The following IMMP2L variants were observed in gnomAD, a reference collection of about 807,000 sequenced individuals.
IMMP2L encodes the protein inner mitochondrial membrane peptidase subunit 2.
Under a neutral mutation model 19.3 loss-of-function variants are expected in IMMP2L, and 18 were observed. The ratio of observed to expected loss-of-function variants is 0.93; its 90% CI spans 0.64 to 1.38. The LOEUF (loss-of-function observed/expected upper bound fraction) is 1.38, where lower values mean the gene tolerates loss of function less well. Among genes scored for constraint, IMMP2L ranks in the 40% most tolerant of loss-of-function variants. The pLI is 0.00. For missense variants in IMMP2L, 233 were observed against 218.2 expected, an observed-to-expected ratio of 1.07 and a Z score of -0.43; for synonymous variants, 76 against 73.0, an observed-to-expected ratio of 1.04 and a Z score of -0.21.
intron 3 of IMMP2L, among the ~76,000 whole-genome samples, chr7:111,294,663 C>T (rs1317672543): frequency 6.6e-6 from 1 of 151,602 alleles, no homozygotes; most frequent in African/African-American, 2.4e-5. Flanking sequence ...GTGTTGATAC[C>T]AAAACTGGCA....
At chr7:110,794,272 GA>G in intron 5 of IMMP2L, among the ~76,000 whole-genome samples, 1 of 152,230 alleles carries the variant, frequency 6.6e-6, no homozygotes, top group African/African-American at 2.4e-5. Context: ...CAGATGAATA[GA>G]TTTAGTAAAC....
intron 1 of IMMP2L, among the ~76,000 whole-genome samples, chr7:111,533,726 T>C (rs559533495): frequency 6.6e-6 from 1 of 152,208 alleles, no homozygotes; most frequent in Non-Finnish European, 1.5e-5. Flanking sequence ...CCAAACATTA[T>C]ATGTAATAAA....
chr7:111,469,746 C>T (rs1001318267), intron 3 of IMMP2L, among the ~76,000 whole-genome samples: 4 of 152,106 alleles, frequency 2.6e-5, no homozygotes, highest in Admixed American at 6.6e-5. Context: ...AAGACTTAAA[C>T]GTCAGACCTA....
intron 3 of IMMP2L, among the ~76,000 whole-genome samples, chr7:111,365,343 C>T (rs1387259723): frequency 6.6e-6 from 1 of 152,122 alleles, no homozygotes. Context: ...TTCAATAATG[C>T]CACATCATAA....
chr7:111,063,986 T>A (rs1586037889), intron 3 of IMMP2L, among the ~76,000 whole-genome samples: 1 of 152,280 alleles, frequency 6.6e-6, no homozygotes, highest in South Asian at 2.1e-4. Context: ...CGCTTCCATA[T>A]TTTCTAGTAT....
chr7:111,199,075 T>A (rs1172214636), intron 3 of IMMP2L, among the ~76,000 whole-genome samples: 1 of 152,156 alleles, frequency 6.6e-6, no homozygotes. Flanking sequence ...GGGGCTGTTA[T>A]AATTTGTGTC....
intron 5 of IMMP2L, among the ~76,000 whole-genome samples, chr7:110,837,577 G>C (rs187431115): frequency 6.6e-6 from 1 of 152,002 alleles, no homozygotes; most frequent in Non-Finnish European, 1.5e-5. Flanking sequence ...ATTTACTTCC[G>C]TAGGGTTCTA....
intron 5 of IMMP2L, among the ~76,000 whole-genome samples, chr7:110,731,355 CAATA>C (rs764735231): frequency 6.6e-6 from 1 of 152,042 alleles, no homozygotes; most frequent in Non-Finnish European, 1.5e-5. Context: ...AGAAGGTGCT[CAATA>C]AATGTTAAAT....
chr7:111,272,220 C>T (rs117274834), intron 3 of IMMP2L, among the ~76,000 whole-genome samples: 3,267 of 152,204 alleles, frequency 0.021, 63 homozygotes, highest in Middle Eastern at 0.1. Flanking sequence ...TGTAAACTCT[C>T]CCACCTAACT....
chr7:111,086,049 T>C (rs1034724926), intron 3 of IMMP2L, among the ~76,000 whole-genome samples: 5 of 151,986 alleles, frequency 3.3e-5, no homozygotes, highest in African/African-American at 1.2e-4. Context: ...TGAAATAACA[T>C]GCACAAAACC....
chr7:110,779,004 A>C (rs536441008), intron 5 of IMMP2L, among the ~76,000 whole-genome samples: 1 of 152,098 alleles, frequency 6.6e-6, no homozygotes, highest in East Asian at 1.9e-4. Flanking sequence ...AAATGCAGTA[A>C]CATGAATAGA....
chr7:111,202,600 T>C (rs1009894313), intron 3 of IMMP2L, among the ~76,000 whole-genome samples: 1 of 152,178 alleles, frequency 6.6e-6, no homozygotes, highest in African/African-American at 2.4e-5. Context: ...ACAGAGGATA[T>C]GTAGAATTGA....
At chr7:111,073,578 A>C (rs1416817138) in intron 3 of IMMP2L, among the ~76,000 whole-genome samples, 2 of 152,124 alleles carry the variant, frequency 1.3e-5, no homozygotes, top group East Asian at 3.9e-4. Context: ...GAAATGAGAA[A>C]TCCCATTTGC....
chr7:110,931,250 C>T (rs556776335), intron 4 of IMMP2L, among the ~76,000 whole-genome samples: 7 of 152,134 alleles, frequency 4.6e-5, no homozygotes, highest in Non-Finnish European at 1.0e-4. Context: ...TGGCCTGAAA[C>T]ATATCAGGCT....
intron 3 of IMMP2L, among the ~76,000 whole-genome samples, chr7:111,252,524 T>C (rs754966071): frequency 1.3e-5 from 2 of 151,990 alleles, no homozygotes; most frequent in Non-Finnish European, 2.9e-5. Context: ...GACAATGTGA[T>C]TGGAAAAAGG....
At chr7:111,383,839 A>G (rs1244547327) in intron 3 of IMMP2L, among the ~76,000 whole-genome samples, 1 of 151,988 alleles carries the variant, frequency 6.6e-6, no homozygotes, top group Non-Finnish European at 1.5e-5. Context: ...TTATATGTTC[A>G]AGCCCATGAA....
chr7:111,028,235 T>C (rs1337376744), intron 3 of IMMP2L, among the ~76,000 whole-genome samples: 1 of 152,166 alleles, frequency 6.6e-6, no homozygotes. Flanking sequence ...TAGACTTACA[T>C]TGACAAGTCT....
chr7:111,084,923 A>G (rs1796185791), intron 3 of IMMP2L, among the ~76,000 whole-genome samples: 1 of 152,226 alleles, frequency 6.6e-6, no homozygotes, highest in Non-Finnish European at 1.5e-5. Flanking sequence ...GATTGTTGTT[A>G]TTATAGTATG....
Position 111,225,577 on chromosome 7 carries a change from C to T in IMMP2L, c.239+261661G>A, listed in dbSNP as rs554306878. Among the ~76,000 whole-genome samples, 16 of 150,564 alleles carry T rather than the reference C, an allele frequency of 1.1e-4. No individual in the cohort carries two copies. In the South Asian group the frequency reaches 3.3e-3, roughly 31 times the overall value. ...GTAAATAGTCTATAGGAAAGTACTACTTATTGAGTTTTGGTATAATATCAA... is the reference window on the plus strand; with the variant it reads ...GTAAATAGTCTATAGGAAAGTACTATTTATTGAGTTTTGGTATAATATCAA... On this transcript the variant is annotated intron_variant, in intron 3 of 5. Coordinates refer to ENST00000405709, the MANE Select transcript of IMMP2L (RefSeq NM_032549.4).
Sources: gnomAD v4.1 joint callset for allele counts (sites outside exome capture counted in the v4.1 genomes callset) on GRCh38, gnomAD v4.1.1 for gene constraint, MANE v1.5 for transcripts, NCBI Gene and HGNC (gene_info 2026-07-23, HGNC 2026-07-21) for gene names.